The following PGM5 variants were observed in gnomAD, a reference collection of about 807,000 sequenced individuals.
The protein encoded by PGM5 is phosphoglucomutase 5.
A neutral mutation model predicts 59.2 loss-of-function variants in PGM5; 23 were observed. The ratio of observed to expected loss-of-function variants is 0.39; its 90% CI spans 0.28 to 0.55. The LOEUF (loss-of-function observed/expected upper bound fraction) is 0.55. Ranked by LOEUF, PGM5 falls within the 20% of genes least tolerant of loss-of-function variation. The pLI, the probability that PGM5 is intolerant of heterozygous loss-of-function variation, is 0.66. For synonymous variants in PGM5, 214 were observed against 286.0 expected, an observed-to-expected ratio of 0.75 and a Z score of 2.54; for missense variants, 574 against 748.3, an observed-to-expected ratio of 0.77 and a Z score of 2.72.
At chr9:68,375,551 A>G (rs1821857350) in intron 1 of PGM5, among the ~76,000 whole-genome samples, 1 of 152,222 alleles carries the variant, frequency 6.6e-6, no homozygotes, top group Admixed American at 6.5e-5. Context: ...CAGAGAATCC[A>G]TTCATCATAC....
At chr9:68,467,929 A>G (rs1261037457) in intron 7 of PGM5, among the ~76,000 whole-genome samples, 1 of 152,118 alleles carries the variant, frequency 6.6e-6, no homozygotes, top group African/African-American at 2.4e-5. Flanking sequence ...CAAAAACTCT[A>G]TATTCTCTTG....
chr9:68,454,618 G>C (rs1223259991), intron 6 of PGM5, among the ~76,000 whole-genome samples: 1 of 152,200 alleles, frequency 6.6e-6, no homozygotes, highest in Non-Finnish European at 1.5e-5. Flanking sequence ...ACTGAGTAAG[G>C]AGACATATTA....
chr9:68,357,441 C>G, intron 1 of PGM5, 53 bp downstream of exon 1: 1 of 1,536,556 alleles, frequency 6.5e-7, no homozygotes, highest in East Asian at 2.5e-5. Flanking sequence ...ATGCCCTCTC[C>G]TAGCCCTTGT....
At chr9:68,361,802 G>T (rs1834585103) in intron 1 of PGM5, among the ~76,000 whole-genome samples, 1 of 151,852 alleles carries the variant, frequency 6.6e-6, no homozygotes, top group African/African-American at 2.4e-5. Flanking sequence ...TCAGCCCATT[G>T]CAAGGTTTAG....
At position 68,378,246 on chromosome 9, in the gene PGM5, G is replaced by A. The variant is rs782817381; in HGVS notation, c.309G>A (p.Ala103=). 19 of 1,597,390 alleles carry A rather than the reference G, an allele frequency of 1.2e-5. No individual in the cohort carries two copies. Among genetic ancestry groups the A allele is most frequent in the East Asian group, 4.5e-5 (2 of 44,632 alleles). ...IGQNGILSTP[A]VSCIIRKIKA... is the part of the protein sequence containing the mutation. ...AGAATGGCATCTTGTCGACACCTGC[G>A]GTCTCCTGCATTATCAGGAAGATCA... Residue 103 remains alanine, a synonymous_variant, in exon 2 of 11, where the codon GCG becomes GCA. Coordinates refer to ENST00000396396, the MANE Select transcript of PGM5 (RefSeq NM_021965.4).
At chr9:68,502,976 A>G (rs1554688761) in intron 10 of PGM5, among the ~76,000 whole-genome samples, 1 of 152,194 alleles carries the variant, frequency 6.6e-6, no homozygotes, top group South Asian at 2.1e-4. Flanking sequence ...GGTGTGAACC[A>G]CCACATCCGG....
intron 2 of PGM5, 78 bp downstream of exon 2, chr9:68,378,439 A>C: frequency 6.9e-7 from 1 of 1,451,790 alleles, no homozygotes; most frequent in Non-Finnish European, 9.1e-7. Context: ...TGACTCTTTG[A>C]TGATAGACAA....
intron 6 of PGM5, among the ~76,000 whole-genome samples, chr9:68,447,668 G>C (rs1214566274): frequency 6.6e-6 from 1 of 152,176 alleles, no homozygotes; most frequent in African/African-American, 2.4e-5. Flanking sequence ...TTTGCAGCAA[G>C]TATTTCCTAC....
At chr9:68,517,080 C>T (rs1824835720) in intron 10 of PGM5, among the ~76,000 whole-genome samples, 1 of 150,306 alleles carries the variant, frequency 6.7e-6, no homozygotes, top group Admixed American at 6.6e-5. Flanking sequence ...GACGGGGTTT[C>T]TCCATATTGG....
At position 68,416,375 on chromosome 9, in the gene PGM5, G is replaced by A. The variant is rs1414694073; in HGVS notation, c.1043+23902G>A. ...CATGTGTTTTTCATGGGCCCCTAGC[G>A]TGCTCATGCAGGATTAAGTTTCAGT... On this transcript the variant is annotated intron_variant, in intron 6 of 10. Coordinates refer to ENST00000396396, the MANE Select transcript of PGM5 (RefSeq NM_021965.4). 5.3e-5 allele frequency among the ~76,000 whole-genome samples: 8 copies of A among 152,256 alleles called. No homozygotes were observed. In the East Asian group the frequency reaches 9.6e-4, roughly 18 times the overall value.
In PGM5 at chr9:68,384,275, C is replaced by G. The variant is rs1587782663; in HGVS notation, c.425-123C>G. 9 of 680,294 alleles carry G rather than the reference C, an allele frequency of 1.3e-5. No homozygotes were observed. The East Asian group carries it at 2.0e-4, about 15-fold the overall frequency. The allele number at this position is 680,294 out of a possible 1,614,324, so 42.1% of individuals were successfully genotyped here. A position where few individuals can be genotyped will look rare whatever the true frequency, so the allele number is the denominator to read the frequency against. ...TATCAAGGCTAATTGAACTGTGAAC[C>G]ATTGATCATTGTTTAGAGAACAAAT... On this transcript the variant is annotated intron_variant, in intron 2 of 10. Transcript: ENST00000396396.
At chr9:68,504,433 C>A (rs371881238) in intron 10 of PGM5, among the ~76,000 whole-genome samples, 1 of 152,156 alleles carries the variant, frequency 6.6e-6, no homozygotes, top group Admixed American at 6.6e-5. Context: ...GAAATGGCCC[C>A]CTTCTCCCTC....
At chr9:68,438,211 C>A (rs548060498) in intron 6 of PGM5, among the ~76,000 whole-genome samples, 1 of 148,812 alleles carries the variant, frequency 6.7e-6, no homozygotes, top group Non-Finnish European at 1.5e-5. Flanking sequence ...ATCGCTTGAA[C>A]CCAGGAGGCA....
At chr9:68,512,639 A>C (rs1824767528) in intron 10 of PGM5, among the ~76,000 whole-genome samples, 1 of 152,118 alleles carries the variant, frequency 6.6e-6, no homozygotes, top group African/African-American at 2.4e-5. Context: ...TAATAAGGAC[A>C]CCAGTCATAT....
At position 68,377,503 on chromosome 9, in the gene PGM5, G is replaced by A. The variant is rs1352478504; in HGVS notation, c.262-696G>A. 6.6e-5 allele frequency among the ~76,000 whole-genome samples: 10 copies of A among 152,162 alleles called. No homozygotes were observed. The East Asian group carries it at 7.7e-4, about 12-fold the overall frequency. On this transcript the variant is annotated intron_variant, in intron 1 of 10. Coordinates refer to ENST00000396396, the MANE Select transcript of PGM5 (RefSeq NM_021965.4). ...ATATTGAATCCAATTTTAAAACAAG[G>A]TGTAGCAATAAATGTTCTTCAGCGC...
rs1587782863 is a variant in PGM5, at chr9:68,384,507, A to G, written c.534A>G (p.Gln178=). 6.2e-7 allele frequency: 1 copy of G among 1,610,876 alleles called. No homozygotes were observed. Among genetic ancestry groups the G allele is most frequent in the East Asian group, 2.2e-5 (1 of 44,822 alleles). ...TCGACCTATCTCGACTAGGAAGACA[A>G]GAATTTGACCTAGAAAACAAATTCA... ...LRIDLSRLGR[Q]EFDLENKFKP... is the part of the protein sequence containing the mutation. Residue 178 remains glutamine (Q), a synonymous_variant, in exon 3 of 11, where the codon CAA becomes CAG. Transcript: ENST00000396396.
chr9:68,470,144 T>A (rs1482354066), intron 7 of PGM5, among the ~76,000 whole-genome samples: 5 of 152,358 alleles, frequency 3.3e-5, no homozygotes, highest in Non-Finnish European at 7.4e-5. Context: ...GGAACTAGTG[T>A]TAATAAACAG....
intron 6 of PGM5, among the ~76,000 whole-genome samples, chr9:68,462,094 GTT>G (rs1280999886): frequency 6.6e-6 from 1 of 152,096 alleles, no homozygotes; most frequent in Non-Finnish European, 1.5e-5. Context: ...TGACTAAAGA[GTT>G]ATATCCAGCA....
Position 68,529,723 on chromosome 9 carries a change from C to A in PGM5, c.*67C>A, listed in dbSNP as rs1825051528. The A allele has an allele frequency of 4.5e-6, 4 of 897,862 alleles. No individual in the cohort carries two copies. In the Admixed American group the frequency reaches 1.3e-4, roughly 28 times the overall value. 55.6% of individuals were successfully genotyped at this position (897,862 alleles called of 1,614,324 possible). ...GCGGGAGATGCTTCACTGATGCCTT[C>A]TTGCTACCTGTTTGTGCCTCTTATG... On this transcript the variant is annotated 3_prime_UTR_variant, in exon 11 of 11. Coordinates refer to ENST00000396396, the MANE Select transcript of PGM5 (RefSeq NM_021965.4).
Sources: allele counts gnomAD v4.1 joint callset (sites outside exome capture counted in the v4.1 genomes callset), GRCh38; gene constraint gnomAD v4.1.1; transcripts MANE v1.5; gene names NCBI Gene and HGNC (gene_info 2026-07-23, HGNC 2026-07-21).